The following DSC1 variants were observed in gnomAD, a reference collection of about 807,000 sequenced individuals.
DSC1 encodes desmocollin 1.
Under a neutral mutation model 98.8 loss-of-function variants are expected in DSC1, and 79 were observed. That is an observed-to-expected ratio of 0.80 (90% CI 0.67 to 0.96). The LOEUF is 0.96. Ranked by LOEUF, DSC1 falls within the 50% of genes least tolerant of loss-of-function variation. The pLI, the probability that DSC1 is intolerant of heterozygous loss-of-function variation, is 0.00. For synonymous variants in DSC1, 405 were observed against 372.1 expected (o/e 1.09, Z -1.02); for missense variants, 1,115 against 1,075.9 (o/e 1.04, Z -0.51).
At chr18:31,161,384 A>AT (rs1568007019) in intron 1 of DSC1, among the ~76,000 whole-genome samples, 3 of 149,438 alleles carry the variant, frequency 2.0e-5, no homozygotes, top group African/African-American at 7.7e-5. Context: ...ATATATATAT[A>AT]AATATATGAG....
Position 31,157,476 on chromosome 18 carries a change from G to A in DSC1, c.246C>T (p.Asp82=), listed in dbSNP as rs143948291. The part of the protein sequence containing the change: ...LEDGSIYTTH[D]LILSSERKSF... ...TTTTCCTTTCAGAAGACAAAATGAG[G>A]TCATGTGTTGTGTAAATTGAGCCAT... Residue 82 remains aspartate, a synonymous_variant, in exon 3 of 16, where the codon GAC becomes GAT. Transcript: ENST00000257198. 2.2e-5 allele frequency: 35 copies of A among 1,614,158 alleles called. 1 individual carries two copies. In the African/African-American group the frequency reaches 2.9e-4, roughly 14 times the overall value.
intron 11 of DSC1, among the ~76,000 whole-genome samples, chr18:31,135,669 G>C (rs187318157): frequency 1.1e-4 from 17 of 152,222 alleles, no homozygotes; most frequent in Admixed American, 6.5e-4. Flanking sequence ...ATTGGCCTAA[G>C]ACTTCACACA....
At chr18:31,147,412 A>G (rs1988869085) in intron 6 of DSC1, among the ~76,000 whole-genome samples, 1 of 152,098 alleles carries the variant, frequency 6.6e-6, no homozygotes, top group African/African-American at 2.4e-5. Flanking sequence ...TACTAATCTA[A>G]CCAGTTAGTA....
At position 31,134,778 on chromosome 18, in the gene DSC1, C is replaced by G; in HGVS notation, c.1670G>C (p.Arg557Pro). Residue 557 changes from arginine to proline, a missense_variant, in exon 12 of 16, where the codon CGA (arginine) becomes CCA (proline). Coordinates refer to ENST00000257198, the MANE Select transcript of DSC1 (RefSeq NM_024421.2). ...ISVVAVDAVG[R>P]SCTGTLVVHL... ...AACTACTAATGTTCCAGTGCAAGAT[C>G]GGCCAACTAAGATTAATTAAAAATA... 2 of 1,605,902 alleles carry G rather than the reference C, an allele frequency of 1.2e-6. No homozygotes were observed. Among genetic ancestry groups the G allele is most frequent in the Non-Finnish European group, 1.7e-6 (2 of 1,173,938 alleles).
At chr18:31,159,655 A>C (rs1989174921) in intron 1 of DSC1, 126 bp from the exon 2 acceptor site, 1 of 894,032 alleles carries the variant, frequency 1.1e-6, no homozygotes, top group Non-Finnish European at 1.7e-6. Flanking sequence ...AATTCTTTAC[A>C]TTTTTAATAC....
intron 8 of DSC1, among the ~76,000 whole-genome samples, chr18:31,142,396 A>G (rs1048124810): frequency 2.6e-5 from 4 of 152,120 alleles, no homozygotes; most frequent in Non-Finnish European, 2.9e-5. Flanking sequence ...AGGCTACCCC[A>G]AGTCTTATCT....
chr18:31,130,992 G>A (rs1218362055), intron 15 of DSC1, among the ~76,000 whole-genome samples: 1 of 152,142 alleles, frequency 6.6e-6, no homozygotes, highest in Non-Finnish European at 1.5e-5. Context: ...CACAAAACAT[G>A]TATATTTGAA....
chr18:31,145,005 T>C (rs1018943452), intron 7 of DSC1, among the ~76,000 whole-genome samples: 3 of 148,412 alleles, frequency 2.0e-5, no homozygotes, highest in African/African-American at 7.5e-5. Context: ...AGTGGCGCGA[T>C]CTCGGCTCAC....
rs758118779 is a variant in DSC1 at position 31,129,538 on chromosome 18, T to A, written c.*976A>T. 2 of 152,136 alleles carry A rather than the reference T, an allele frequency of 1.3e-5. No individual in the cohort carries two copies. The highest frequency in any genetic ancestry group is 2.4e-5 in the African/African-American group (1 of 41,426). The allele number at this position is 152,136 out of a possible 1,614,324, so 9.4% of individuals were successfully genotyped here. On this transcript the variant is annotated 3_prime_UTR_variant, in exon 16 of 16. Transcript: ENST00000257198. ...ACAGATGGTAATTCAATTTCTGGCA[T>A]ATTCAAGGTGCTAGTCTCTGTATAT...
chr18:31,153,531 C>T (rs993710390), intron 5 of DSC1, among the ~76,000 whole-genome samples: 1 of 152,124 alleles, frequency 6.6e-6, no homozygotes, highest in African/African-American at 2.4e-5. Context: ...TATGCCACTA[C>T]AATCCCACCA....
chr18:31,133,588 GT>G (rs1362042148), intron 13 of DSC1, among the ~76,000 whole-genome samples: 1 of 152,006 alleles, frequency 6.6e-6, no homozygotes, highest in Non-Finnish European at 1.5e-5. Context: ...AATCTTAATA[GT>G]TTTACCCAGC....
At chr18:31,145,883 A>G in intron 6 of DSC1, 106 bp from the exon 7 acceptor site, 1 of 1,186,516 alleles carries the variant, frequency 8.4e-7, no homozygotes, top group Non-Finnish European at 1.2e-6. Flanking sequence ...CCAAACCACA[A>G]GTAGATTAGT....
intron 13 of DSC1, among the ~76,000 whole-genome samples, chr18:31,133,094 T>C (rs1988530740): frequency 6.6e-6 from 1 of 152,082 alleles, no homozygotes; most frequent in Admixed American, 6.6e-5. Context: ...GTTTCAAAAA[T>C]GTACATCAAC....
At chr18:31,162,405 CT>C in intron 1 of DSC1, 126 bp downstream of exon 1, 3 of 865,858 alleles carry the variant, frequency 3.5e-6, no homozygotes, top group Middle Eastern at 2.3e-4. Flanking sequence ...CTCAGATCTG[CT>C]TTTGTTTTCC....
At chr18:31,132,175 C>T in intron 14 of DSC1, 2 of 380,870 alleles carry the variant, frequency 5.3e-6, no homozygotes, top group East Asian at 6.0e-5. Context: ...TGGACACAGA[C>T]ATGCACACAT....
chr18:31,140,411 A>G, intron 9 of DSC1, 110 bp from the exon 10 acceptor site: 11 of 1,217,064 alleles, frequency 9.0e-6, no homozygotes, highest in Non-Finnish European at 1.2e-5. Flanking sequence ...AATGTAACCT[A>G]AAGTTAGGTC....
chr18:31,142,332 G>T, intron 8 of DSC1, 148 bp from the exon 9 acceptor site: 1 of 800,874 alleles, frequency 1.2e-6, no homozygotes, highest in Non-Finnish European at 1.9e-6. Context: ...AATTTAATGC[G>T]TAGCTTAGTT....
At chr18:31,149,433 CCT>C (rs1204327713) in intron 5 of DSC1, among the ~76,000 whole-genome samples, 3 of 152,086 alleles carry the variant, frequency 2.0e-5, no homozygotes, top group Admixed American at 6.6e-5. Flanking sequence ...CAAACTCCTC[CCT>C]CTCTCTCATA....
chr18:31,137,945 A>T (rs73421639), intron 11 of DSC1, among the ~76,000 whole-genome samples: 14,136 of 150,246 alleles, frequency 0.094, 1,180 homozygotes, highest in African/African-American at 0.23. Flanking sequence ...TCCAGGAATA[A>T]TCATGAGCAT....
Sources: gnomAD v4.1 joint callset for allele counts (sites outside exome capture counted in the v4.1 genomes callset) on GRCh38, gnomAD v4.1.1 for gene constraint, MANE v1.5 for transcripts, NCBI Gene and HGNC (gene_info 2026-07-23, HGNC 2026-07-21) for gene names.